Variants in LRRC4C observed in about 807,000 individuals in gnomAD.
LRRC4C encodes the protein leucine rich repeat containing 4C, also known as leucine-rich repeat-containing protein 4C.
In LRRC4C, 5 loss-of-function variants were observed where a neutral mutation model predicts 33.6. The ratio of observed to expected loss-of-function variants is 0.15; its 90% CI spans 0.08 to 0.31. The LOEUF (loss-of-function observed/expected upper bound fraction) is 0.31, where lower values mean the gene tolerates loss of function less well. Among genes scored for constraint, LRRC4C ranks in the 10% least tolerant of loss-of-function variants. The probability of loss-of-function intolerance (pLI) is 1.00; values close to 1 mark genes in which losing one functional copy is unlikely to be tolerated. For missense variants in LRRC4C, 560 were observed against 796.7 expected, an observed-to-expected ratio of 0.70 and a Z score of 3.58; for synonymous variants, 329 against 302.0, an observed-to-expected ratio of 1.09 and a Z score of -0.93.
intron 3 of LRRC4C, among the ~76,000 whole-genome samples, chr11:40,435,512 C>A (rs1261072873): frequency 6.6e-6 from 1 of 152,140 alleles, no homozygotes; most frequent in African/African-American, 2.4e-5. Flanking sequence ...CAAATCTTTT[C>A]CATTGGCTCT....
chr11:40,116,384 AGT>A (rs1420539758), intron 6 of LRRC4C, 50 bp from the exon 7 acceptor site: 1 of 1,500,742 alleles, frequency 6.7e-7, no homozygotes, highest in African/African-American at 1.4e-5. Context: ...ATTTATTCTA[AGT>A]GTCTTTCTGG....
At chr11:40,782,540 C>A (rs1950254478) in intron 2 of LRRC4C, among the ~76,000 whole-genome samples, 1 of 151,926 alleles carries the variant, frequency 6.6e-6, no homozygotes, top group South Asian at 2.1e-4. Context: ...CAATTTACTT[C>A]ATTCTCATAC....
chr11:41,247,834 A>G (rs1336569122), intron 1 of LRRC4C, among the ~76,000 whole-genome samples: 1 of 96,168 alleles, frequency 1.0e-5, no homozygotes, highest in Non-Finnish European at 2.8e-5. Context: ...TTTGATTCCA[A>G]TTTAAATCAA....
chr11:40,164,165 G>A (rs937038450), intron 5 of LRRC4C, among the ~76,000 whole-genome samples: 1 of 152,140 alleles, frequency 6.6e-6, no homozygotes, highest in African/African-American at 2.4e-5. Flanking sequence ...AAGCCATCAG[G>A]AACTGAATTC....
chr11:40,911,770 C>T (rs1274727842), intron 2 of LRRC4C, among the ~76,000 whole-genome samples: 1 of 152,138 alleles, frequency 6.6e-6, no homozygotes, highest in Non-Finnish European at 1.5e-5. Context: ...GAAGTTCGAA[C>T]CCATGGCAAA....
chr11:41,171,656 G>A (rs949541030), intron 1 of LRRC4C, among the ~76,000 whole-genome samples: 5 of 151,398 alleles, frequency 3.3e-5, no homozygotes, highest in East Asian at 3.9e-4. Flanking sequence ...AAAACTTAAC[G>A]TATAATAATA....
chr11:40,408,765 A>C (rs1950050442), intron 3 of LRRC4C, among the ~76,000 whole-genome samples: 1 of 151,970 alleles, frequency 6.6e-6, no homozygotes, highest in Non-Finnish European at 1.5e-5. Context: ...CTAAAATTGA[A>C]GAAGACATAA....
At chr11:40,167,322 A>G (rs1590596117) in intron 5 of LRRC4C, among the ~76,000 whole-genome samples, 1 of 152,168 alleles carries the variant, frequency 6.6e-6, no homozygotes, top group South Asian at 2.1e-4. Flanking sequence ...TGCAGAATGG[A>G]AAATATTGTT....
intron 1 of LRRC4C, among the ~76,000 whole-genome samples, chr11:41,412,199 C>T (rs537148749): frequency 3.9e-5 from 6 of 152,174 alleles, no homozygotes; most frequent in Non-Finnish European, 5.9e-5. Context: ...CTATGACCCC[C>T]GTCACTCACT....
chr11:40,927,304 G>T (rs555480822), intron 2 of LRRC4C, among the ~76,000 whole-genome samples: 7 of 151,698 alleles, frequency 4.6e-5, no homozygotes, highest in African/African-American at 1.4e-4. Context: ...AACCCGAGAG[G>T]CGGAGGTTGC....
intron 2 of LRRC4C, among the ~76,000 whole-genome samples, chr11:40,799,186 TAG>T (rs1489261842): frequency 6.6e-6 from 1 of 152,144 alleles, no homozygotes; most frequent in African/African-American, 2.4e-5. Flanking sequence ...CCCCTACAAA[TAG>T]GTTTTTTAAA....
chr11:41,032,286 C>T (rs988357360), intron 1 of LRRC4C, among the ~76,000 whole-genome samples: 1 of 152,022 alleles, frequency 6.6e-6, no homozygotes, highest in Admixed American at 6.6e-5. Context: ...AGGTTGAGAT[C>T]ATATACATCA....
intron 2 of LRRC4C, among the ~76,000 whole-genome samples, chr11:40,815,745 G>C (rs545178148): frequency 2.6e-5 from 4 of 152,216 alleles, no homozygotes; most frequent in African/African-American, 9.6e-5. Context: ...TCAGTGCACT[G>C]GTTGACCTGC....
intron 2 of LRRC4C, among the ~76,000 whole-genome samples, chr11:40,654,036 ATTGAGG>A: frequency 6.6e-6 from 1 of 152,284 alleles, no homozygotes; most frequent in Admixed American, 6.5e-5. Flanking sequence ...GCACAGAAGA[ATTGAGG>A]TTGGGGAACC....
chr11:40,376,953 G>T lies in LRRC4C; in HGVS notation c.-269-57232C>A, dbSNP rs577011389. On this transcript the variant is annotated intron_variant, in intron 3 of 6. Transcript: ENST00000528697. Reference sequence around the variant, plus strand: ...TCATATATCATGTTGCTTTGCTTATGATTTTTTCCTTCAAAAAGTACCTGT... The same window carrying T: ...TCATATATCATGTTGCTTTGCTTATTATTTTTTCCTTCAAAAAGTACCTGT... Among the ~76,000 whole-genome samples the T allele has an allele frequency of 1.5e-3, 224 of 152,188 alleles. 1 individual carries two copies. Among genetic ancestry groups the T allele is most frequent in the African/African-American group, 5.2e-3 (217 of 41,558 alleles).
intron 2 of LRRC4C, among the ~76,000 whole-genome samples, chr11:40,650,952 C>T (rs1164682069): frequency 1.3e-5 from 2 of 152,122 alleles, no homozygotes; most frequent in African/African-American, 4.8e-5. Context: ...CCCTAAACTG[C>T]ACAAGTGCCC....
At chr11:41,395,587 C>T (rs1441606737) in intron 1 of LRRC4C, among the ~76,000 whole-genome samples, 2 of 151,730 alleles carry the variant, frequency 1.3e-5, no homozygotes, top group African/African-American at 4.8e-5. Flanking sequence ...CAAATATAGG[C>T]CTTAAAAATA....
intron 4 of LRRC4C, among the ~76,000 whole-genome samples, chr11:40,306,274 G>T (rs1565255152): frequency 1.3e-5 from 2 of 152,112 alleles, no homozygotes; most frequent in Admixed American, 6.5e-5. Flanking sequence ...AGTGTCAAAA[G>T]AAATCTCAAA....
intron 2 of LRRC4C, among the ~76,000 whole-genome samples, chr11:40,931,641 C>A (rs1256119421): frequency 6.6e-6 from 1 of 151,296 alleles, no homozygotes; most frequent in Non-Finnish European, 1.5e-5. Flanking sequence ...ACTAAAGTAG[C>A]CAAGGATAAA....
Sources: allele counts gnomAD v4.1 joint callset (sites outside exome capture counted in the v4.1 genomes callset), GRCh38; gene constraint gnomAD v4.1.1; transcripts MANE v1.5; gene names NCBI Gene and HGNC (gene_info 2026-07-23, HGNC 2026-07-21).